INSC: variants seen among roughly 807,000 people sequenced by gnomAD.
The protein encoded by INSC is protein inscuteable homolog.
Under a neutral mutation model 58.6 loss-of-function variants are expected in INSC, and 67 were observed. The observed-to-expected ratio is 1.14, with a 90% CI of 0.94 to 1.40. INSC has a LOEUF of 1.40. Among genes scored for constraint, INSC ranks in the 40% most tolerant of loss-of-function variants. INSC has a pLI of 0.00. For missense variants in INSC, 714 were observed against 692.0 expected, an observed-to-expected ratio of 1.03 and a Z score of -0.36; for synonymous variants, 262 against 276.1, an observed-to-expected ratio of 0.95 and a Z score of 0.51.
intron 7 of INSC, among the ~76,000 whole-genome samples, chr11:15,220,405 C>A (rs1197391607): frequency 2.0e-5 from 3 of 152,190 alleles, no homozygotes; most frequent in Non-Finnish European, 2.9e-5. Context: ...GCAGAGCTAA[C>A]CTTGACAAGC....
chr11:15,114,713 C>A (rs1235483277), upstream of INSC, among the ~76,000 whole-genome samples: 1 of 152,198 alleles, frequency 6.6e-6, no homozygotes, highest in Non-Finnish European at 1.5e-5. Flanking sequence ...CCATGTTTCC[C>A]CCCCCAGGGG....
intron 5 of INSC, among the ~76,000 whole-genome samples, chr11:15,179,999 G>A (rs1440986469): frequency 1.3e-5 from 2 of 152,208 alleles, no homozygotes; most frequent in Non-Finnish European, 2.9e-5. Flanking sequence ...GCTCACGCCT[G>A]TAATTCCAGC....
At chr11:15,202,644 T>A (rs1365973915) in intron 7 of INSC, among the ~76,000 whole-genome samples, 1 of 152,168 alleles carries the variant, frequency 6.6e-6, no homozygotes, top group African/African-American at 2.4e-5. Flanking sequence ...TTTCTCACCT[T>A]TCCTGTCTGG....
downstream of INSC, among the ~76,000 whole-genome samples, chr11:15,248,601 A>G (rs1852617002): frequency 6.6e-6 from 1 of 152,212 alleles, no homozygotes; most frequent in South Asian, 2.1e-4. Flanking sequence ...AATGAAGACT[A>G]AATCGCAGCC....
Position 15,246,879 on chromosome 11 carries a change from A to G in INSC, c.*839A>G, listed in dbSNP as rs953657756. The G allele has an allele frequency of 6.6e-6, 1 of 152,216 alleles. No individual in the cohort carries two copies. Among genetic ancestry groups the G allele is most frequent in the African/African-American group, 2.4e-5 (1 of 41,460 alleles). 9.4% of individuals were successfully genotyped at this position (152,216 alleles called of 1,614,324 possible). On this transcript the variant is annotated 3_prime_UTR_variant, in exon 13 of 13. Transcript: ENST00000379556. ...GCCAGCTCATGCCCACTCACAAGGGACAACTGTGAGAATTTCTTCCTAACT... is the reference window on the plus strand; with the variant it reads ...GCCAGCTCATGCCCACTCACAAGGGGCAACTGTGAGAATTTCTTCCTAACT...
At chr11:15,230,005 ATATATATAATATATAT>A (rs1714563598) in intron 9 of INSC, among the ~76,000 whole-genome samples, 15 of 25,932 alleles carry the variant, frequency 5.8e-4, no homozygotes, top group Admixed American at 6.7e-4. Flanking sequence ...ATATATATAT[ATATATATAATATATAT>A]ATATATATAT....
At chr11:15,128,133 C>A (rs1187466512) in intron 1 of INSC, among the ~76,000 whole-genome samples, 8 of 151,550 alleles carry the variant, frequency 5.3e-5, no homozygotes, top group Non-Finnish European at 4.4e-5. Context: ...AAAAAAAAAA[C>A]ATTTCTGAGA....
intron 1 of INSC, among the ~76,000 whole-genome samples, chr11:15,124,885 C>A (rs368480826): frequency 6.6e-5 from 10 of 152,138 alleles, no homozygotes; most frequent in East Asian, 5.8e-4. Context: ...CCCTCCCTCA[C>A]GAATTCATTC....
intron 1 of INSC, among the ~76,000 whole-genome samples, chr11:15,128,919 T>C (rs972282749): frequency 4.6e-5 from 7 of 152,200 alleles, no homozygotes; most frequent in Admixed American, 4.6e-4. Context: ...TTCTTCATTT[T>C]AAGAAGCTTT....
chr11:15,116,171 A>C lies in INSC; in HGVS notation c.-46+1168A>C, dbSNP rs1309111206. 6.6e-5 allele frequency among the ~76,000 whole-genome samples: 10 copies of C among 152,238 alleles called. No individual in the cohort carries two copies. The East Asian group carries it at 1.5e-3, about 23-fold the overall frequency. On this transcript the variant is annotated intron_variant, in intron 1 of 12. Transcript: ENST00000379556. ...CGCCCTTTTAGAAGTGAAAACTTCC[A>C]AACACTGCCTTTGGAAGGCAAGCCA...
chr11:15,229,970 A>ATAATAT (rs1851812377), intron 9 of INSC, among the ~76,000 whole-genome samples: 2 of 14,748 alleles, frequency 1.4e-4, no homozygotes, highest in African/African-American at 6.0e-4. Context: ...TTATATATAT[A>ATAATAT]TATATATATT....
chr11:15,132,317 G>T (rs536751094), intron 1 of INSC, among the ~76,000 whole-genome samples: 1 of 152,060 alleles, frequency 6.6e-6, no homozygotes, highest in African/African-American at 2.4e-5. Context: ...GCAGGGTCTT[G>T]CTCTGTTGCC....
intron 10 of INSC, among the ~76,000 whole-genome samples, chr11:15,237,254 T>G (rs1178199191): frequency 6.6e-6 from 1 of 152,146 alleles, no homozygotes; most frequent in Non-Finnish European, 1.5e-5. Context: ...AAATATAACA[T>G]CTACAATAGA....
intron 1 of INSC, among the ~76,000 whole-genome samples, chr11:15,118,162 G>A (rs1487778727): frequency 6.6e-6 from 1 of 152,314 alleles, no homozygotes; most frequent in East Asian, 1.9e-4. Context: ...TTGGGATGGG[G>A]AGCTTGGACT....
chr11:15,140,720 A>T (rs1848350856), intron 1 of INSC, among the ~76,000 whole-genome samples: 1 of 151,958 alleles, frequency 6.6e-6, no homozygotes, highest in Non-Finnish European at 1.5e-5. Context: ...CTGGGACTAC[A>T]GGAATGTACC....
chr11:15,114,716 C>A (rs58558919), upstream of INSC, among the ~76,000 whole-genome samples: 1,927 of 152,310 alleles, frequency 0.013, 20 homozygotes, highest in Non-Finnish European at 0.02. Context: ...TGTTTCCCCC[C>A]CCAGGGGCAC....
At chr11:15,130,863 G>T (rs1590339736) in intron 1 of INSC, among the ~76,000 whole-genome samples, 2 of 152,152 alleles carry the variant, frequency 1.3e-5, no homozygotes, top group Non-Finnish European at 1.5e-5. Flanking sequence ...TGCATCTGTA[G>T]AAATAAACCT....
upstream of INSC, among the ~76,000 whole-genome samples, chr11:15,114,255 G>C (rs1407287900): frequency 7.7e-6 from 1 of 130,050 alleles, no homozygotes; most frequent in East Asian, 2.8e-4. Context: ...ACGGGGGTGG[G>C]GGGTGGGGGG....
chr11:15,211,113 G>A (rs145014644), intron 7 of INSC, among the ~76,000 whole-genome samples: 323 of 139,960 alleles, frequency 2.3e-3, no homozygotes, highest in Admixed American at 6.2e-3. Context: ...AAAGACACAA[G>A]CCCAGCTAAT....
Sources: gnomAD v4.1 joint callset for allele counts (sites outside exome capture counted in the v4.1 genomes callset) on GRCh38, gnomAD v4.1.1 for gene constraint, MANE v1.5 for transcripts, NCBI Gene and HGNC (gene_info 2026-07-23, HGNC 2026-07-21) for gene names.